The following WNT10B variants were observed in gnomAD, a reference collection of about 807,000 sequenced individuals.
The protein encoded by WNT10B is protein Wnt-10b.
A neutral mutation model predicts 32.7 loss-of-function variants in WNT10B; 26 were observed. The observed-to-expected ratio is 0.79, with a 90% CI of 0.58 to 1.10. The LOEUF (loss-of-function observed/expected upper bound fraction) is 1.10. Among genes scored for constraint, WNT10B ranks in the 50% least tolerant of loss-of-function variants. The pLI is 0.00. For synonymous variants in WNT10B, 204 were observed against 220.4 expected (o/e 0.93, Z 0.66); for missense variants, 474 against 532.5 (o/e 0.89, Z 1.08).
chr12:48,970,631 G>A lies in WNT10B; in HGVS notation c.-40-62C>T. 2 of 1,372,232 alleles carry A rather than the reference G, an allele frequency of 1.5e-6. No individual in the cohort carries two copies. The highest frequency in any genetic ancestry group is 1.0e-6 in the Non-Finnish European group (1 of 989,996). 85.0% of individuals were successfully genotyped at this position (1,372,232 alleles called of 1,614,324 possible). A position where few individuals can be genotyped will look rare whatever the true frequency, so the allele number is the denominator to read the frequency against. ...GGGCGGCTCGCTTGGGGAACCAAGT[G>A]ACGCCCTTCTTCGGGCTCCTAACCC... On this transcript the variant is annotated intron_variant, in intron 1 of 4. Transcript: ENST00000301061. This position sits in a 1 kb window ranked among gnomAD's most constrained non-coding sequence, Gnocchi z 5.0.
In WNT10B at chr12:48,968,202, C is replaced by T; in HGVS notation, c.455G>A (p.Gly152Asp). 1 of 1,613,622 alleles carries T rather than the reference C, an allele frequency of 6.2e-7. No individual in the cohort carries two copies. Among genetic ancestry groups the T allele is most frequent in the Admixed American group, 1.7e-5 (1 of 60,036 alleles). The part of the protein sequence containing the change: ...VSCGCGWKGS[G>D]EQDRLRAKLL... ...TTTGGCCCTCAGCCGATCCTGCTCA[C>T]CACTGCCCTTCCAGCCACAGCCACA... is the stretch of plus-strand genomic sequence containing the variant. The change falls in exon 4 of 5, where the codon GGT becomes GAT. Residue 152 changes from glycine to aspartate, a missense_variant. By Grantham distance (94) the Gly-to-Asp change is moderately conservative. Transcript: ENST00000301061.
intron 1 of WNT10B, among the ~76,000 whole-genome samples, chr12:48,971,144 T>C (rs1940848338): frequency 6.6e-6 from 1 of 152,016 alleles, no homozygotes; most frequent in Non-Finnish European, 1.5e-5. Context: ...AGAGCCTGGC[T>C]CCCTCCTAAA....
Position 48,968,260 on chromosome 12 carries a change from C to G in WNT10B, c.397G>C (p.Ala133Pro). ...AGCTTGCCCAGGCTGCAGGCCGTGGCTACTGCGTGCATGACCCCAGCAGCC... is the reference window on the plus strand; with the variant it reads ...AGCTTGCCCAGGCTGCAGGCCGTGGGTACTGCGTGCATGACCCCAGCAGCC... ...MLAAGVMHAV[A>P]TACSLGKLVS... The change falls in exon 4 of 5, where the codon GCC becomes CCC. Residue 133 changes from alanine to proline, a missense_variant. Ala to Pro is a conservative substitution (Grantham distance 27). Transcript: ENST00000301061. The G allele has an allele frequency of 1.2e-6, 2 of 1,608,280 alleles. No individual in the cohort carries two copies. Among genetic ancestry groups the G allele is most frequent in the Non-Finnish European group, 1.7e-6 (2 of 1,180,008 alleles).
Position 48,966,192 on chromosome 12 carries a change from T to C in WNT10B, c.1073A>G (p.Gln358Arg). The C allele has an allele frequency of 1.2e-6, 2 of 1,613,806 alleles. No individual in the cohort carries two copies. The highest frequency in any genetic ancestry group is 1.7e-6 in the Non-Finnish European group (2 of 1,179,868). Reference protein sequence around the residue: ...CCGRGHNVLRQTRVERCHCRF... With the variant: ...CCGRGHNVLRRTRVERCHCRF... The stretch of plus-strand genomic sequence containing the variant: ...GCAATGGCAGCGCTCAACTCGTGTC[T>C]GCCGGAGCACGTTGTGCCCACGGCC... The change falls in exon 5 of 5, where the codon CAG becomes CGG. Residue 358 changes from glutamine (Q) to arginine (R), a missense_variant. Physicochemically the swap from Gln to Arg is conservative, Grantham distance 43. Coordinates refer to ENST00000301061, the MANE Select transcript of WNT10B (RefSeq NM_003394.4).
chr12:48,969,832 G>T (rs1351296781), intron 3 of WNT10B, among the ~76,000 whole-genome samples: 4 of 152,016 alleles, frequency 2.6e-5, no homozygotes, highest in African/African-American at 9.7e-5. Flanking sequence ...AAGCTGAGCG[G>T]AGGCAGGAAA....
rs760708495 is a variant in WNT10B at position 48,968,234 on chromosome 12, C to T, written c.423G>A (p.Leu141=). Reference sequence around the variant, plus strand: ...CCTTCCAGCCACAGCCACAGCTCACCAGCTTGCCCAGGCTGCAGGCCGTGG... The same window carrying T: ...CCTTCCAGCCACAGCCACAGCTCACTAGCTTGCCCAGGCTGCAGGCCGTGG... The part of the protein sequence containing the change: ...AVATACSLGK[L]VSCGCGWKGS... Residue 141 remains leucine, a synonymous_variant, in exon 4 of 5, where the codon CTG becomes CTA. Coordinates refer to ENST00000301061, the MANE Select transcript of WNT10B (RefSeq NM_003394.4). 10 of 1,611,976 alleles carry T rather than the reference C, an allele frequency of 6.2e-6. No homozygotes were observed. Among genetic ancestry groups the T allele is most frequent in the Non-Finnish European group, 7.6e-6 (9 of 1,180,026 alleles).
chr12:48,969,959 G>C (rs901300661), intron 3 of WNT10B, 130 bp downstream of exon 3: 86 of 1,176,874 alleles, frequency 7.3e-5, no homozygotes, highest in Non-Finnish European at 9.1e-5. Flanking sequence ...GCGGCTCCGG[G>C]GGGGGCGGGG....
rs1158290865 is a variant in WNT10B at position 48,966,161 on chromosome 12, G to A, written c.1104C>T (p.Phe368=). ...QTRVERCHCR[F]HWCCYVLCDE... ...CACACAGCACATAGCAGCACCAGTGGAAGCGGCAATGGCAGCGCTCAACTC... is the reference window on the plus strand; with the variant it reads ...CACACAGCACATAGCAGCACCAGTGAAAGCGGCAATGGCAGCGCTCAACTC... The change falls in exon 5 of 5, where the codon TTC becomes TTT. Residue 368 remains phenylalanine, a synonymous_variant. Transcript: ENST00000301061. The A allele has an allele frequency of 6.2e-7, 1 of 1,613,688 alleles. No homozygotes were observed. The highest frequency in any genetic ancestry group is 1.1e-5 in the South Asian group (1 of 91,082).
rs1334898216 is a variant in WNT10B, at chr12:48,970,623, A to G, written c.-40-54T>C. On this transcript the variant is annotated intron_variant, in intron 1 of 4. Transcript: ENST00000301061. This position sits in a 1 kb window ranked among gnomAD's most constrained non-coding sequence, Gnocchi z 5.0. ...CAGGAATAGGGCGGCTCGCTTGGGG[A>G]ACCAAGTGACGCCCTTCTTCGGGCT... 4.9e-6 allele frequency: 7 copies of G among 1,423,742 alleles called. No individual in the cohort carries two copies. In the Admixed American group the frequency reaches 1.4e-4, roughly 29 times the overall value. 88.2% of individuals were successfully genotyped at this position (1,423,742 alleles called of 1,614,324 possible).
chr12:48,966,108 T>C lies in WNT10B; in HGVS notation c.1157A>G (p.Asn386Ser), dbSNP rs1485099299. The C allele has an allele frequency of 4.3e-6, 7 of 1,613,604 alleles. No individual in the cohort carries two copies. The highest frequency in any genetic ancestry group is 1.3e-5 in the African/African-American group (1 of 74,932). ...CDECKVTEWVNVCK is the reference protein window; with the variant it reads ...CDECKVTEWVSVCK ...TAAGGCTGACCCTCACTTACACACA[T>C]TCACCCACTCTGTAACCTTGCACTC... Residue 386 changes from asparagine to serine, a missense_variant, in exon 5 of 5, where the codon AAT (asparagine) becomes AGT (serine). Physicochemically the swap from Asn to Ser is conservative, Grantham distance 46. Coordinates refer to ENST00000301061, the MANE Select transcript of WNT10B (RefSeq NM_003394.4).
chr12:48,966,165 C>G lies in WNT10B; in HGVS notation c.1100G>C (p.Arg367Pro). The G allele has an allele frequency of 6.2e-7, 1 of 1,613,588 alleles. No homozygotes were observed. Among genetic ancestry groups the G allele is most frequent in the Non-Finnish European group, 8.5e-7 (1 of 1,179,992 alleles). ...CAGCACATAGCAGCACCAGTGGAAG[C>G]GGCAATGGCAGCGCTCAACTCGTGT... ...RQTRVERCHCRFHWCCYVLCD... is the reference protein window; with the variant it reads ...RQTRVERCHCPFHWCCYVLCD... The change falls in exon 5 of 5, where the codon CGC becomes CCC. Residue 367 changes from arginine to proline, a missense_variant. By Grantham distance (103) the Arg-to-Pro change is moderately radical. Transcript: ENST00000301061.
rs552277285 is a variant in WNT10B, at chr12:48,969,957, G to T, written c.337+132C>A. ...GCCAGACCTGGCTCAGAGCGGCTCC[G>T]GGGGGGGCGGGGAATTCCAGGAGAG... On this transcript the variant is annotated intron_variant, in intron 3 of 4. Transcript: ENST00000301061. 4.5e-6 allele frequency: 5 copies of T among 1,104,738 alleles called. No individual in the cohort carries two copies. The East Asian group carries it at 1.6e-4, about 35-fold the overall frequency. The allele number at this position is 1,104,738 out of a possible 1,614,324, so 68.4% of individuals were successfully genotyped here.
intron 3 of WNT10B, among the ~76,000 whole-genome samples, chr12:48,969,842 A>AG (rs962596133): frequency 6.6e-6 from 1 of 151,452 alleles, no homozygotes; most frequent in Non-Finnish European, 1.5e-5. Flanking sequence ...GAGGCAGGAA[A>AG]GGGGGGCCCT....
Position 48,966,209 on chromosome 12 carries a change from C to A in WNT10B, c.1056G>T (p.Gly352=). Residue 352 remains glycine (G), a synonymous_variant, in exon 5 of 5, where the codon GGG becomes GGT. Transcript: ENST00000301061. ...CTCGTGTCTGCCGGAGCACGTTGTG[C>A]CCACGGCCACAGCACAGGCTGCCAC... The part of the protein sequence containing the change: ...DGCGSLCCGR[G]HNVLRQTRVE... The A allele has an allele frequency of 6.2e-7, 1 of 1,613,810 alleles. No individual in the cohort carries two copies. Among genetic ancestry groups the A allele is most frequent in the Non-Finnish European group, 8.5e-7 (1 of 1,179,848 alleles).
chr12:48,970,601 G>A lies in WNT10B; in HGVS notation c.-40-32C>T. The A allele has an allele frequency of 1.3e-6, 2 of 1,524,678 alleles. No individual in the cohort carries two copies. The highest frequency in any genetic ancestry group is 1.2e-5 in the South Asian group (1 of 83,498). 94.4% of individuals were successfully genotyped at this position (1,524,678 alleles called of 1,614,324 possible). The stretch of plus-strand genomic sequence containing the variant: ...GACGGGAGACTTGATGCGGGTTCAG[G>A]AATAGGGCGGCTCGCTTGGGGAACC... On this transcript the variant is annotated intron_variant, in intron 1 of 4. Coordinates refer to ENST00000301061, the MANE Select transcript of WNT10B (RefSeq NM_003394.4). This position sits in a 1 kb window ranked among gnomAD's most constrained non-coding sequence, Gnocchi z 5.0.
chr12:48,968,350 TAAGGTTGACAGGC>T, intron 3 of WNT10B, 31 bp from the exon 4 acceptor site: 1 of 1,599,652 alleles, frequency 6.3e-7, no homozygotes, highest in Non-Finnish European at 8.5e-7. Context: ...ATGGTGGAGG[TAAGGTTGACAGGC>T]AGCTGAGAGT....
At position 48,966,404 on chromosome 12, in the gene WNT10B, G is replaced by T; in HGVS notation, c.861C>A (p.Thr287=). 2 of 1,614,126 alleles carry T rather than the reference G, an allele frequency of 1.2e-6. No homozygotes were observed. Among genetic ancestry groups the T allele is most frequent in the East Asian group, 2.2e-5 (1 of 44,880 alleles). The change falls in exon 5 of 5, where the codon ACC becomes ACA. Residue 287 remains threonine, a synonymous_variant. Coordinates refer to ENST00000301061, the MANE Select transcript of WNT10B (RefSeq NM_003394.4). ...ERLGRAIFID[T]HNRNSGAFQP... The stretch of plus-strand genomic sequence containing the variant: ...GGAAGGCTCCAGAATTGCGGTTGTG[G>T]GTATCAATGAAGATGGCCCGGCCCA...
rs919759963 is a variant in WNT10B, at chr12:48,965,846, C to G, written c.*249G>C. ...GGAGGAGCAATACAGTGCATTTCAT[C>G]TTAGTCCATTCAGGTGTCTAAGGAG... On this transcript the variant is annotated 3_prime_UTR_variant, in exon 5 of 5. Transcript: ENST00000301061. 1.4e-4 allele frequency: 79 copies of G among 561,286 alleles called. No individual in the cohort carries two copies. Among genetic ancestry groups the G allele is most frequent in the African/African-American group, 1.2e-3 (63 of 53,226 alleles). 34.8% of individuals were successfully genotyped at this position (561,286 alleles called of 1,614,324 possible). A position where few individuals can be genotyped will look rare whatever the true frequency, so the allele number is the denominator to read the frequency against.
Position 48,966,461 on chromosome 12 carries a change from G to T in WNT10B, c.804C>A (p.Phe268Leu). Residue 268 changes from phenylalanine to leucine, a missense_variant, in exon 5 of 5, where the codon TTC becomes TTA. By Grantham distance (22) the Phe-to-Leu change is conservative. Coordinates refer to ENST00000301061, the MANE Select transcript of WNT10B (RefSeq NM_003394.4). ...CCCTCAACGCCGCCCCCACTGCCCG[G>T]AACTCTGGGGCCGCCCTCCAGCATG... is the stretch of plus-strand genomic sequence containing the variant. The part of the protein sequence containing the change: ...FKTCWRAAPE[F>L]RAVGAALRER... The T allele has an allele frequency of 6.2e-7, 1 of 1,614,072 alleles. No homozygotes were observed. The highest frequency in any genetic ancestry group is 8.5e-7 in the Non-Finnish European group (1 of 1,180,044).
Sources: allele counts gnomAD v4.1 joint callset (sites outside exome capture counted in the v4.1 genomes callset), GRCh38; gene constraint gnomAD v4.1.1; non-coding constraint Gnocchi (gnomAD v3.1); transcripts MANE v1.5; gene names NCBI Gene and HGNC (gene_info 2026-07-23, HGNC 2026-07-21).